OTOG: variants seen among roughly 807,000 people sequenced by gnomAD.
The protein encoded by OTOG is otogelin.
A neutral mutation model predicts 313.8 loss-of-function variants in OTOG; 296 were observed. The ratio of observed to expected loss-of-function variants is 0.94; its 90% CI spans 0.86 to 1.04. The LOEUF (loss-of-function observed/expected upper bound fraction) is 1.04. Ranked by LOEUF, OTOG falls within the 50% of genes least tolerant of loss-of-function variation. OTOG has a pLI of 0.00. For synonymous variants in OTOG, 1,533 were observed against 1,554.9 expected (o/e 0.99, Z 0.33); for missense variants, 3,948 against 3,840.1 (o/e 1.03, Z -0.74).
chr11:17,629,266 T>C lies in OTOG; in HGVS notation c.6662T>C (p.Met2221Thr), dbSNP rs1439235321. The C allele has an allele frequency of 6.4e-7, 1 of 1,550,590 alleles. No individual in the cohort carries two copies. Among genetic ancestry groups the C allele is most frequent in the Admixed American group, 2.0e-5 (1 of 51,010 alleles). The change falls in exon 40 of 56, where the codon ATG (methionine) becomes ACG (threonine). Residue 2221 changes from methionine (M) to threonine (T), a missense_variant. Coordinates refer to ENST00000399397, the MANE Select transcript of OTOG (RefSeq NM_001292063.2). ...QIQWLHSSGL[M>T]IVEASKTSKA... ...CAGTGGCTCCACAGCTCAGGACTCA[T>C]GATCGTGGAGGCCAGCAAAACCAGC...
intron 7 of OTOG, 78 bp from the exon 8 acceptor site, chr11:17,557,040 C>T: frequency 7.2e-7 from 1 of 1,391,658 alleles, no homozygotes; most frequent in Non-Finnish European, 9.8e-7. Flanking sequence ...GGGGTAGGGA[C>T]TGGCTGTTCC....
chr11:17,552,244 TCTC>T, intron 4 of OTOG, among the ~76,000 whole-genome samples, 169 bp downstream of exon 4: 1 of 152,102 alleles, frequency 6.6e-6, no homozygotes. Context: ...CATTTGGCAT[TCTC>T]CTCCCTGCCT....
intron 35 of OTOG, among the ~76,000 whole-genome samples, 156 bp from the exon 36 acceptor site, chr11:17,609,499 C>T (rs530988048): frequency 5.3e-5 from 8 of 152,090 alleles, no homozygotes; most frequent in East Asian, 1.9e-4. Flanking sequence ...ACGTCTGGGG[C>T]GGAGTCCAGA....
At chr11:17,571,958 G>T (rs932875338) in intron 17 of OTOG, 122 bp from the exon 18 acceptor site, 31 of 1,313,500 alleles carry the variant, frequency 2.4e-5, no homozygotes, top group Non-Finnish European at 6.3e-6. Context: ...TGTGTATATG[G>T]ATGTGTAGAT....
rs1027600196 is a variant in OTOG, at chr11:17,553,527, C to T, written c.540+8C>T. On this transcript the variant is annotated splice_region_variant and intron_variant, in intron 6 of 55. Coordinates refer to ENST00000399397, the MANE Select transcript of OTOG (RefSeq NM_001292063.2). ...CAGAGCTTCTCCATCCAGGTGAGGCCTCCCCTGCCTTGCCTGTCCAGGAAT... is the reference window on the plus strand; with the variant it reads ...CAGAGCTTCTCCATCCAGGTGAGGCTTCCCCTGCCTTGCCTGTCCAGGAAT... The T allele has an allele frequency of 1.6e-4, 230 of 1,425,858 alleles. No homozygotes were observed. The Middle Eastern group carries it at 1.7e-3, about 10-fold the overall frequency. The allele number at this position is 1,425,858 out of a possible 1,614,324, so 88.3% of individuals were successfully genotyped here.
intron 39 of OTOG, among the ~76,000 whole-genome samples, chr11:17,617,761 G>C (rs560759415): frequency 2.6e-5 from 4 of 151,784 alleles, no homozygotes; most frequent in Non-Finnish European, 5.9e-5. Context: ...GGCTTTATTG[G>C]TTTTCTCTAT....
chr11:17,603,212 C>T (rs1853297298), intron 32 of OTOG, among the ~76,000 whole-genome samples: 1 of 152,070 alleles, frequency 6.6e-6, no homozygotes, highest in African/African-American at 2.4e-5. Flanking sequence ...CGTAGTTGCA[C>T]AAGGAGGCCT....
chr11:17,562,153 G>A (rs1253157188), intron 15 of OTOG, among the ~76,000 whole-genome samples: 4 of 144,032 alleles, frequency 2.8e-5, no homozygotes, highest in Non-Finnish European at 6.0e-5. Flanking sequence ...GAATATGTTG[G>A]CATTGAAACA....
intron 42 of OTOG, among the ~76,000 whole-genome samples, chr11:17,632,544 T>A (rs1344656808): frequency 2.0e-5 from 3 of 152,164 alleles, no homozygotes; most frequent in African/African-American, 7.2e-5. Context: ...ACTGTAACCA[T>A]CGCCCCCGCC....
chr11:17,642,007 A>G (rs972464268), intron 52 of OTOG, 56 bp downstream of exon 52: 5 of 1,532,584 alleles, frequency 3.3e-6, no homozygotes, highest in East Asian at 4.9e-5. Flanking sequence ...GGACACCAGG[A>G]CTAGGGCCCT....
chr11:17,568,142 C>T (rs563024469), intron 15 of OTOG, among the ~76,000 whole-genome samples: 3 of 152,090 alleles, frequency 2.0e-5, no homozygotes, highest in East Asian at 1.9e-4. Context: ...CTCCTGACCT[C>T]GTGATCCGCC....
intron 38 of OTOG, among the ~76,000 whole-genome samples, chr11:17,613,076 C>T (rs1279070230): frequency 6.6e-6 from 1 of 152,048 alleles, no homozygotes; most frequent in East Asian, 1.9e-4. Flanking sequence ...ATGGTGTGGC[C>T]CGAGGTCATG....
intron 40 of OTOG, among the ~76,000 whole-genome samples, chr11:17,630,475 A>G (rs1854095512): frequency 1.3e-5 from 2 of 152,326 alleles, no homozygotes; most frequent in Non-Finnish European, 2.9e-5. Context: ...TTTGCCTTTA[A>G]TCATGCTTTA....
chr11:17,610,036 C>T lies in OTOG; in HGVS notation c.4736C>T (p.Pro1579Leu). The T allele has an allele frequency of 6.5e-7, 1 of 1,549,460 alleles. No individual in the cohort carries two copies. Among genetic ancestry groups the T allele is most frequent in the Non-Finnish European group, 8.7e-7 (1 of 1,146,152 alleles). Residue 1579 changes from proline to leucine, a missense_variant, in exon 36 of 56, where the codon CCT becomes CTT. Coordinates refer to ENST00000399397, the MANE Select transcript of OTOG (RefSeq NM_001292063.2). The part of the protein sequence containing the change: ...SLPVALQTPT[P>L]GMVSGAMETT... The stretch of plus-strand genomic sequence containing the variant: ...CCTGTTGCACTGCAGACACCCACAC[C>T]TGGCATGGTGTCAGGTGCCATGGAG...
Position 17,561,765 on chromosome 11 carries a change from G to A in OTOG, c.1602G>A (p.Ser534=), listed in dbSNP as rs1037773874. ...CQYILAKSRS[S]GTFTVTLQNA... ...ACATCCTGGCCAAGAGCCGCTCTTC[G>A]GGCACCTTCACCGTGACATTGCAGA... Residue 534 remains serine (S), a synonymous_variant, in exon 15 of 56, where the codon TCG becomes TCA. Transcript: ENST00000399397. 7.1e-6 allele frequency: 11 copies of A among 1,550,286 alleles called. No homozygotes were observed. Among genetic ancestry groups the A allele is most frequent in the Admixed American group, 2.0e-5 (1 of 50,970 alleles).
At chr11:17,561,930 T>C (rs1199424174) in intron 15 of OTOG, 123 bp downstream of exon 15, 13 of 1,222,126 alleles carry the variant, frequency 1.1e-5, no homozygotes, top group South Asian at 1.5e-5. Context: ...GCCTCTTCTC[T>C]CTGGGGAGAA....
chr11:17,593,553 C>A, intron 26 of OTOG, 57 bp from the exon 27 acceptor site: 1 of 1,537,906 alleles, frequency 6.5e-7, no homozygotes, highest in African/African-American at 1.4e-5. Context: ...GCAGGCATAG[C>A]TGACCTGGGC....
At chr11:17,558,940 A>T (rs1318766674) in intron 10 of OTOG, 112 bp from the exon 11 acceptor site, 4 of 896,510 alleles carry the variant, frequency 4.5e-6, no homozygotes, top group Non-Finnish European at 5.3e-6. Context: ...AGCCTTTCCC[A>T]GCTGGGTGGA....
Position 17,608,319 on chromosome 11 carries a change from T to G in OTOG, c.4180T>G (p.Tyr1394Asp), listed in dbSNP as rs1405783097. The change falls in exon 34 of 56, where the codon TAC (tyrosine) becomes GAC (aspartate). Residue 1394 changes from tyrosine to aspartate, a missense_variant. Physicochemically the swap from Tyr to Asp is radical, Grantham distance 160. Transcript: ENST00000399397. Reference protein sequence around the residue: ...LLDAKPSGAAYPICEWRYDAC... With the variant: ...LLDAKPSGAADPICEWRYDAC... The stretch of plus-strand genomic sequence containing the variant: ...AGATGCCAAGCCCTCGGGGGCTGCC[T>G]ACCCCATCTGCGAGTGGCGCTACGA... 1 of 1,544,368 alleles carries G rather than the reference T, an allele frequency of 6.5e-7. No homozygotes were observed. Among genetic ancestry groups the G allele is most frequent in the Admixed American group, 2.0e-5 (1 of 50,084 alleles).
Sources: allele counts gnomAD v4.1 joint callset (sites outside exome capture counted in the v4.1 genomes callset), GRCh38; gene constraint gnomAD v4.1.1; transcripts MANE v1.5; gene names NCBI Gene and HGNC (gene_info 2026-07-23, HGNC 2026-07-21).